Variants in RRH observed in about 807,000 individuals in gnomAD.
The protein encoded by RRH is retinal pigment epithelium-derived rhodopsin homolog, also known as visual pigment-like receptor peropsin.
In RRH, 36 loss-of-function variants were observed where a neutral mutation model predicts 33.1. The ratio of observed to expected loss-of-function variants is 1.09; its 90% CI spans 0.83 to 1.44. The LOEUF is 1.44. Ranked by LOEUF, RRH falls within the 40% of genes most tolerant of loss-of-function variation. RRH has a pLI of 0.00. For missense variants in RRH, 393 were observed against 420.2 expected (o/e 0.94, Z 0.57); for synonymous variants, 124 against 140.2 (o/e 0.88, Z 0.82).
chr4:109,836,891 C>CAAAAAAAAAAAA lies in RRH; in HGVS notation c.552-537_552-526dup, dbSNP rs56989659. 6.4e-3 allele frequency among the ~76,000 whole-genome samples: 539 copies of CAAAAAAAAAAAA among 84,352 alleles called. 36 individuals carry two copies. Among genetic ancestry groups the CAAAAAAAAAAAA allele is most frequent in the East Asian group, 0.055 (159 of 2,880 alleles). The allele number at this position is 84,352 out of a possible 152,430, so 55.3% of individuals were successfully genotyped here. On this transcript the variant is annotated intron_variant, in intron 4 of 6. Coordinates refer to ENST00000317735, the MANE Select transcript of RRH (RefSeq NM_006583.5). ...GCAACATATTGAGACCCTGTCTCTA[C>CAAAAAAAAAAAA]AAAAAAAAAAAAAAAAAAAAGCAGA...
In RRH at chr4:109,839,091, C is replaced by CT. The variant is rs1474147788; in HGVS notation, c.720+1490dup. ...CTATATTGTCTATTTTTGTTTGTTT[C>CT]TTTTGTGGTTGTTGTTTGTTTCTTT... is the stretch of plus-strand genomic sequence containing the variant. On this transcript the variant is annotated intron_variant, in intron 5 of 6. Coordinates refer to ENST00000317735, the MANE Select transcript of RRH (RefSeq NM_006583.5). Among the ~76,000 whole-genome samples, 408 of 148,132 alleles carry CT rather than the reference C, an allele frequency of 2.8e-3. 2 individuals are homozygous for CT. Among genetic ancestry groups the CT allele is most frequent in the African/African-American group, 0.01 (383 of 38,276 alleles).
intron 6 of RRH, 146 bp downstream of exon 6, chr4:109,842,793 C>T: frequency 1.4e-6 from 1 of 723,554 alleles, no homozygotes; most frequent in Non-Finnish European, 2.4e-6. Context: ...CATCTAGGAC[C>T]TTAAATGCTT....
At chr4:109,828,957 G>A (rs1164345131) in intron 1 of RRH, among the ~76,000 whole-genome samples, 1 of 152,056 alleles carries the variant, frequency 6.6e-6, no homozygotes, top group Non-Finnish European at 1.5e-5. Context: ...AGAAAAAAAG[G>A]GATGGGGGAA....
chr4:109,839,276 G>T (rs1280281789), intron 5 of RRH, among the ~76,000 whole-genome samples: 2 of 152,040 alleles, frequency 1.3e-5, no homozygotes, highest in Non-Finnish European at 2.9e-5. Flanking sequence ...CAATATTAAT[G>T]TAAAAATTAT....
intron 2 of RRH, 122 bp downstream of exon 2, chr4:109,833,451 A>G (rs906658231): frequency 2.6e-6 from 2 of 777,988 alleles, no homozygotes; most frequent in Non-Finnish European, 4.3e-6. Context: ...CAGTGCTTTT[A>G]TGGAAAACAA....
chr4:109,833,207 C>A lies in RRH; in HGVS notation c.175C>A (p.Pro59Thr). 1.2e-6 allele frequency: 2 copies of A among 1,613,782 alleles called. No homozygotes were observed. The highest frequency in any genetic ancestry group is 1.7e-6 in the Non-Finnish European group (2 of 1,179,746). The change falls in exon 2 of 7, where the codon CCC (proline) becomes ACC (threonine). Residue 59 changes from proline to threonine, a missense_variant. By Grantham distance (38) the Pro-to-Thr change is conservative (BLOSUM62 -1). Coordinates refer to ENST00000317735, the MANE Select transcript of RRH (RefSeq NM_006583.5). The part of the protein sequence containing the change: ...IFIKYKELRT[P>T]TNAIIINLAV... ...CATTAAGTACAAGGAACTTCGGACA[C>A]CCACAAATGCAATTATTATTAACCT...
chr4:109,832,711 T>C (rs891414384), intron 1 of RRH, among the ~76,000 whole-genome samples: 2 of 151,744 alleles, frequency 1.3e-5, no homozygotes, highest in South Asian at 2.1e-4. Context: ...AGAATGATAA[T>C]TGAAGCTTGA....
At chr4:109,833,759 CTAAA>C (rs1036418597) in intron 2 of RRH, among the ~76,000 whole-genome samples, 61 of 152,202 alleles carry the variant, frequency 4.0e-4, no homozygotes, top group African/African-American at 1.4e-3. Context: ...AGAATTGTTA[CTAAA>C]TGTTATTTTT....
intron 6 of RRH, among the ~76,000 whole-genome samples, chr4:109,843,306 G>C (rs2125894779): frequency 6.6e-6 from 1 of 152,278 alleles, no homozygotes; most frequent in South Asian, 2.1e-4. Flanking sequence ...TCTGCCTCCA[G>C]GTTCAAGCAA....
intron 1 of RRH, among the ~76,000 whole-genome samples, chr4:109,829,164 A>T (rs990264207): frequency 1.1e-5 from 1 of 95,038 alleles, no homozygotes; most frequent in African/African-American, 4.1e-5. Flanking sequence ...ACACCATCCT[A>T]TACCCAGTTT....
chr4:109,839,308 A>G (rs1361523869), intron 5 of RRH, among the ~76,000 whole-genome samples: 1 of 152,202 alleles, frequency 6.6e-6, no homozygotes, highest in Non-Finnish European at 1.5e-5. Flanking sequence ...TAGAAATTTT[A>G]AATAAAAACA....
At chr4:109,842,708 A>G (rs1734008567) in intron 6 of RRH, 61 bp downstream of exon 6, 8 of 1,455,518 alleles carry the variant, frequency 5.5e-6, no homozygotes, top group Non-Finnish European at 7.7e-6. Flanking sequence ...GAATGTTAAG[A>G]CTTCTTGGGA....
At chr4:109,828,758 A>G (rs558126143) in intron 1 of RRH, among the ~76,000 whole-genome samples, 2 of 152,084 alleles carry the variant, frequency 1.3e-5, no homozygotes, top group Non-Finnish European at 2.9e-5. Flanking sequence ...AACTGTGAGC[A>G]TGTATCTTCC....
chr4:109,839,233 T>C (rs1398369648), intron 5 of RRH, among the ~76,000 whole-genome samples: 3 of 151,326 alleles, frequency 2.0e-5, no homozygotes, highest in Non-Finnish European at 4.4e-5. Context: ...AACTCATTAA[T>C]AAAAAAAGTG....
chr4:109,829,354 T>A (rs1031978268), intron 1 of RRH, among the ~76,000 whole-genome samples: 1 of 151,552 alleles, frequency 6.6e-6, no homozygotes, highest in Admixed American at 6.6e-5. Context: ...GAAAATCTCC[T>A]AACAATTACA....
intron 2 of RRH, 53 bp from the exon 3 acceptor site, chr4:109,835,313 G>A: frequency 1.6e-6 from 2 of 1,234,506 alleles, no homozygotes; most frequent in Non-Finnish European, 2.4e-6. Context: ...AAAATTTAAT[G>A]TTTCTTGGGA....
At chr4:109,843,649 T>C (rs1734024796) in intron 6 of RRH, among the ~76,000 whole-genome samples, 1 of 152,234 alleles carries the variant, frequency 6.6e-6, no homozygotes, top group Non-Finnish European at 1.5e-5. Flanking sequence ...CAGAATCTGC[T>C]GGTAGTTCTT....
rs758254033 is a variant in RRH at position 109,828,033 on chromosome 4, A to G, written c.6A>G (p.Leu2=). The G allele has an allele frequency of 7.5e-6, 12 of 1,604,836 alleles. No individual in the cohort carries two copies. The highest frequency in any genetic ancestry group is 7.7e-6 in the Non-Finnish European group (9 of 1,171,890). M[L]RNNLGNSSDS... is the part of the protein sequence containing the mutation. ...TTCGGTATCTTCCCTCCAAAATGCT[A>G]AGAAATAATTTAGGCAACAGTTCAG... Residue 2 remains leucine (L), a synonymous_variant, in exon 1 of 7, where the codon CTA becomes CTG. Coordinates refer to ENST00000317735, the MANE Select transcript of RRH (RefSeq NM_006583.5).
Position 109,844,218 on chromosome 4 carries a change from T to C in RRH, c.*21T>C, listed in dbSNP as rs1388426721. ...TCTGAAATAAGATAAAAGGACACAC[T>C]ATCAAAACACTTTAGTTTTTTGACA... On this transcript the variant is annotated 3_prime_UTR_variant, in exon 7 of 7. Coordinates refer to ENST00000317735, the MANE Select transcript of RRH (RefSeq NM_006583.5). 4 of 1,423,222 alleles carry C rather than the reference T, an allele frequency of 2.8e-6. No individual in the cohort carries two copies. The highest frequency in any genetic ancestry group is 4.0e-6 in the Non-Finnish European group (4 of 1,006,588). 88.2% of individuals were successfully genotyped at this position (1,423,222 alleles called of 1,614,324 possible).
Sources: gnomAD v4.1 joint callset for allele counts (sites outside exome capture counted in the v4.1 genomes callset) on GRCh38, gnomAD v4.1.1 for gene constraint, MANE v1.5 for transcripts, NCBI Gene and HGNC (gene_info 2026-07-23, HGNC 2026-07-21) for gene names.